Variants in CASP1 observed in about 807,000 individuals in gnomAD.
CASP1 encodes the protein caspase 1.
A neutral mutation model predicts 41.2 loss-of-function variants in CASP1; 31 were observed. The observed-to-expected ratio is 0.75, with a 90% CI of 0.57 to 1.02. The LOEUF is 1.02. Among genes scored for constraint, CASP1 ranks in the 50% least tolerant of loss-of-function variants. The pLI, the probability that CASP1 is intolerant of heterozygous loss-of-function variation, is 0.00. For synonymous variants in CASP1, 163 were observed against 166.5 expected, an observed-to-expected ratio of 0.98 and a Z score of 0.16; for missense variants, 490 against 495.7, an observed-to-expected ratio of 0.99 and a Z score of 0.11.
chr11:105,028,573 A>G (rs1290043848), intron 7 of CASP1, among the ~76,000 whole-genome samples: 5 of 152,234 alleles, frequency 3.3e-5, no homozygotes, highest in Admixed American at 6.6e-5. Flanking sequence ...CCGAGGAGGA[A>G]CTAGTGGAAC....
At chr11:105,030,645 T>C (rs1295161826) in intron 4 of CASP1, 142 bp from the exon 5 acceptor site, 1 of 656,308 alleles carries the variant, frequency 1.5e-6, no homozygotes, top group Admixed American at 3.2e-5. Context: ...GGGAACAGAA[T>C]TGAATGCTGC....
At chr11:105,027,016 A>G in intron 7 of CASP1, 65 bp from the exon 8 acceptor site, 1 of 904,606 alleles carries the variant, frequency 1.1e-6, no homozygotes, top group Non-Finnish European at 1.9e-6. Context: ...AAGAAACCCT[A>G]GTATTTATAC....
In CASP1 at chr11:105,029,190, C is replaced by T. The variant is rs183446148; in HGVS notation, c.940G>A (p.Glu314Lys). Residue 314 changes from glutamate to lysine, a missense_variant, in exon 7 of 9, where the codon GAG becomes AAG. Physicochemically the swap from Glu to Lys is moderately conservative, Grantham distance 56. Coordinates refer to ENST00000533400, the MANE Select transcript of CASP1 (RefSeq NM_001257118.3). The stretch of plus-strand genomic sequence containing the variant: ...TGGGCTTTCTTAATAGCATCATCCT[C>T]AAACTCTTCTGTAGTTGGTAAAGAT... The part of the protein sequence containing the change: ...NLSLPTTEEF[E>K]DDAIKKAHIE... The T allele has an allele frequency of 1.9e-5, 30 of 1,613,326 alleles. No homozygotes were observed. In the Admixed American group the frequency reaches 4.8e-4, roughly 26 times the overall value.
In CASP1 at chr11:105,029,765, A is replaced by G; in HGVS notation, c.762T>C (p.Asp254=). The G allele has an allele frequency of 6.2e-7, 1 of 1,613,698 alleles. No individual in the cohort carries two copies. The highest frequency in any genetic ancestry group is 8.5e-7 in the Non-Finnish European group (1 of 1,179,720). The part of the protein sequence containing the change: ...CGKKHSEQVP[D]ILQLNAIFNM... ...TAAAGATTGCATTGAGTTGTAGTATATCTGGGACTTGCTCAGAGTGTTTCT... is the reference window on the plus strand; with the variant it reads ...TAAAGATTGCATTGAGTTGTAGTATGTCTGGGACTTGCTCAGAGTGTTTCT... The change falls in exon 6 of 9, where the codon GAT becomes GAC. Residue 254 remains aspartate (D), a synonymous_variant. Transcript: ENST00000533400.
intron 4 of CASP1, chr11:105,030,717 T>C: frequency 2.1e-6 from 1 of 483,666 alleles, no homozygotes. Context: ...GACTTCGTTG[T>C]TCTTGATAGG....
rs1163005793 is a variant in CASP1 at position 105,034,309 on chromosome 11, A to G, written c.173T>C (p.Ile58Thr). The G allele has an allele frequency of 1.7e-5, 27 of 1,613,984 alleles. No homozygotes were observed. Among genetic ancestry groups the G allele is most frequent in the Non-Finnish European group, 2.3e-5 (27 of 1,180,008 alleles). ...TGCCCCTTTCGGAATAACGGAGTCA[A>G]TCAAAGCTCGGGTCTTATCCATAAC... ...ATVMDKTRAL[I>T]DSVIPKGAQA... is the part of the protein sequence containing the mutation. Residue 58 changes from isoleucine to threonine, a missense_variant, in exon 2 of 9, where the codon ATT (isoleucine) becomes ACT (threonine). Coordinates refer to ENST00000533400, the MANE Select transcript of CASP1 (RefSeq NM_001257118.3).
At chr11:105,033,548 C>T (rs1027876997) in intron 2 of CASP1, among the ~76,000 whole-genome samples, 3 of 152,106 alleles carry the variant, frequency 2.0e-5, no homozygotes, top group African/African-American at 7.2e-5. Context: ...CAGCTCAGTT[C>T]CTGAGCCCTG....
At chr11:105,029,335 G>A in intron 6 of CASP1, 68 bp from the exon 7 acceptor site, 2 of 1,338,354 alleles carry the variant, frequency 1.5e-6, no homozygotes, top group Non-Finnish European at 2.1e-6. Flanking sequence ...CCTAGCCTCT[G>A]TTCAATGATA....
chr11:105,035,618 G>GTTTTTTTTTTTTTTTTTTTTTT (rs56746743), upstream of CASP1, among the ~76,000 whole-genome samples: 18 of 103,424 alleles, frequency 1.7e-4, no homozygotes, highest in South Asian at 3.6e-4. Context: ...TTTTCTTTCT[G>GTTTTTTTTTTTTTTTTTTTTTT]TTTTTTTTTT....
Position 105,029,215 on chromosome 11 carries a change from T to C in CASP1, c.915A>G (p.Leu305=). 1 of 1,613,226 alleles carries C rather than the reference T, an allele frequency of 6.2e-7. No homozygotes were observed. Among genetic ancestry groups the C allele is most frequent in the Non-Finnish European group, 8.5e-7 (1 of 1,179,454 alleles). Residue 305 remains leucine (L), a synonymous_variant, in exon 7 of 9, where the codon CTA becomes CTG. Coordinates refer to ENST00000533400, the MANE Select transcript of CASP1 (RefSeq NM_001257118.3). ...CAAACTCTTCTGTAGTTGGTAAAGA[T>C]AGGTTTCCAGAAACTCCTACTGAAT... is the stretch of plus-strand genomic sequence containing the variant. The part of the protein sequence containing the change: ...FKDSVGVSGN[L]SLPTTEEFED...
At chr11:105,036,124 G>A (rs1045872680), upstream of CASP1, among the ~76,000 whole-genome samples, 1 of 152,144 alleles carries the variant, frequency 6.6e-6, no homozygotes, top group Non-Finnish European at 1.5e-5. Context: ...TGTGGAAAAT[G>A]CATGGAACAT....
chr11:105,029,614 G>T (rs367752178), intron 6 of CASP1, 51 bp downstream of exon 6: 19 of 1,365,306 alleles, frequency 1.4e-5, no homozygotes, highest in Non-Finnish European at 2.0e-5. Flanking sequence ...GATGCATACA[G>T]AGTAGGATAG....
chr11:105,034,986 C>G (rs914769657), intron 1 of CASP1, 121 bp downstream of exon 1: 10 of 1,318,982 alleles, frequency 7.6e-6, no homozygotes, highest in East Asian at 2.3e-5. Context: ...CCTCTCCCCC[C>G]TTTTCCTTGC....
intron 5 of CASP1, 47 bp from the exon 6 acceptor site, chr11:105,029,946 A>T (rs746553833): frequency 3.0e-6 from 4 of 1,324,948 alleles, no homozygotes; most frequent in Non-Finnish European, 4.4e-6. Flanking sequence ...ATTAACTATC[A>T]TGGTACCTTG....
intron 7 of CASP1, among the ~76,000 whole-genome samples, chr11:105,028,380 A>T (rs1863454303): frequency 6.6e-6 from 1 of 152,184 alleles, no homozygotes; most frequent in South Asian, 2.1e-4. Flanking sequence ...AATAATTTTT[A>T]TTTAAACCTT....
chr11:105,032,173 AC>A (rs1863738279), intron 3 of CASP1, among the ~76,000 whole-genome samples: 1 of 152,194 alleles, frequency 6.6e-6, no homozygotes, highest in Admixed American at 6.6e-5. Context: ...AGTTAGATAA[AC>A]AAAGGCAGCA....
chr11:105,029,905 A>G lies in CASP1; in HGVS notation c.628-6T>C. 1 of 1,592,710 alleles carries G rather than the reference A, an allele frequency of 6.3e-7. No individual in the cohort carries two copies. The highest frequency in any genetic ancestry group is 8.6e-7 in the Non-Finnish European group (1 of 1,160,616). On this transcript the variant is annotated splice_region_variant and splice_polypyrimidine_tract_variant and intron_variant, in intron 5 of 8. Transcript: ENST00000533400. ...TCCAGCTCTGTAGTCATGTCCTGAA[A>G]GACACCATATCACTGATTTTCGACT... is the stretch of plus-strand genomic sequence containing the variant.
intron 1 of CASP1, 79 bp downstream of exon 1, chr11:105,035,028 T>C: frequency 6.3e-7 from 1 of 1,579,436 alleles, no homozygotes; most frequent in Non-Finnish European, 8.7e-7. Context: ...CAGATGCTAA[T>C]TATGGCTTCC....
In CASP1 at chr11:105,033,090, G is replaced by C; in HGVS notation, c.311C>G (p.Ser104Cys). The change falls in exon 3 of 9, where the codon TCT becomes TGT. Residue 104 changes from serine to cysteine, a missense_variant. Transcript: ENST00000533400. ...TSGNYLNMQD[S>C]QGVLSSFPAP... ...TGGAAAGGAAGAAAGTACTCCTTGAGAGTCTTGCATATTAAGGTAATTTCC... is the reference window on the plus strand; with the variant it reads ...TGGAAAGGAAGAAAGTACTCCTTGACAGTCTTGCATATTAAGGTAATTTCC... 1 of 1,590,116 alleles carries C rather than the reference G, an allele frequency of 6.3e-7. No homozygotes were observed. Among genetic ancestry groups the C allele is most frequent in the Non-Finnish European group, 8.6e-7 (1 of 1,159,864 alleles).
Sources: allele counts gnomAD v4.1 joint callset (sites outside exome capture counted in the v4.1 genomes callset), GRCh38; gene constraint gnomAD v4.1.1; transcripts MANE v1.5; gene names NCBI Gene and HGNC (gene_info 2026-07-23, HGNC 2026-07-21).